The following DDX10 variants were observed in gnomAD, a reference collection of about 807,000 sequenced individuals.
DDX10 encodes the protein DEAD-box helicase 10.
In DDX10, 74 loss-of-function variants were observed where a neutral mutation model predicts 104.3. The ratio of observed to expected loss-of-function variants is 0.71; its 90% CI spans 0.59 to 0.86. The LOEUF (loss-of-function observed/expected upper bound fraction) is 0.86. DDX10 is among the 40% of genes least tolerant of loss of function. The probability of loss-of-function intolerance (pLI) is 0.00; values close to 1 mark genes in which losing one functional copy is unlikely to be tolerated. For synonymous variants in DDX10, 351 were observed against 353.4 expected, an observed-to-expected ratio of 0.99 and a Z score of 0.08; for missense variants, 952 against 1,040.0, an observed-to-expected ratio of 0.92 and a Z score of 1.16.
intron 16 of DDX10, among the ~76,000 whole-genome samples, chr11:108,891,652 G>C (rs543610811): frequency 6.6e-6 from 1 of 152,224 alleles, no homozygotes; most frequent in South Asian, 2.1e-4. Flanking sequence ...CGTTACTCTT[G>C]ACATTATATT....
intron 16 of DDX10, among the ~76,000 whole-genome samples, chr11:108,895,762 G>A (rs562984199): frequency 1.3e-5 from 2 of 152,112 alleles, no homozygotes; most frequent in Non-Finnish European, 1.5e-5. Context: ...TTTTAATAGC[G>A]TAGATGCCCA....
chr11:108,797,264 C>A (rs1861956078), intron 13 of DDX10, among the ~76,000 whole-genome samples: 1 of 152,200 alleles, frequency 6.6e-6, no homozygotes, highest in Non-Finnish European at 1.5e-5. Flanking sequence ...CATCTCTTGA[C>A]CTCATGATCC....
intron 16 of DDX10, among the ~76,000 whole-genome samples, chr11:108,890,738 G>A (rs1331668522): frequency 1.3e-5 from 2 of 152,104 alleles, no homozygotes; most frequent in South Asian, 2.1e-4. Flanking sequence ...AATTGGGGGA[G>A]CATGTGAGAA....
intron 17 of DDX10, 60 bp from the exon 18 acceptor site, chr11:108,940,186 A>T: frequency 1.9e-6 from 3 of 1,540,716 alleles, no homozygotes; most frequent in Non-Finnish European, 2.6e-6. Context: ...ATTTTGTCCT[A>T]TTTTAAATGT....
intron 16 of DDX10, among the ~76,000 whole-genome samples, chr11:108,916,899 A>G (rs1250930549): frequency 1.3e-5 from 2 of 152,120 alleles, no homozygotes; most frequent in East Asian, 1.9e-4. Context: ...ACCTGCTTGC[A>G]TGAAACTGAA....
At chr11:108,915,906 C>T (rs1306517847) in intron 16 of DDX10, among the ~76,000 whole-genome samples, 1 of 145,520 alleles carries the variant, frequency 6.9e-6, no homozygotes, top group Non-Finnish European at 1.5e-5. Context: ...GAGAATGCAG[C>T]TGTCTTCACT....
At chr11:108,743,519 A>G (rs1036714167) in intron 13 of DDX10, among the ~76,000 whole-genome samples, 1 of 152,098 alleles carries the variant, frequency 6.6e-6, no homozygotes, top group African/African-American at 2.4e-5. Context: ...TGGAAGTTCC[A>G]CCTTCTTTTA....
At chr11:108,807,191 C>T (rs1348496534) in intron 13 of DDX10, among the ~76,000 whole-genome samples, 1 of 151,706 alleles carries the variant, frequency 6.6e-6, no homozygotes, top group African/African-American at 2.4e-5. Context: ...CAGTATGCCT[C>T]CTAAGTTTTG....
intron 12 of DDX10, among the ~76,000 whole-genome samples, chr11:108,720,888 T>G (rs554020912): frequency 7.6e-6 from 1 of 131,624 alleles, no homozygotes; most frequent in East Asian, 2.1e-4. Flanking sequence ...CCACTGTGCC[T>G]GGCCGGGTTT....
chr11:108,903,364 C>G (rs983875884), intron 16 of DDX10, among the ~76,000 whole-genome samples: 7 of 152,074 alleles, frequency 4.6e-5, no homozygotes, highest in African/African-American at 1.7e-4. Context: ...TTTCAAGGCT[C>G]CTCCATGTTG....
At chr11:108,786,150 G>A (rs948081071) in intron 13 of DDX10, among the ~76,000 whole-genome samples, 1 of 151,916 alleles carries the variant, frequency 6.6e-6, no homozygotes, top group Non-Finnish European at 1.5e-5. Context: ...CTATGTTTTT[G>A]TGTTATTTTT....
At chr11:108,822,372 T>A (rs1862336909) in intron 13 of DDX10, 1 of 403,598 alleles carries the variant, frequency 2.5e-6, no homozygotes, top group African/African-American at 2.1e-5. Context: ...CTATCAAGTC[T>A]GCCCTTTCTG....
chr11:108,913,475 T>G (rs1005084803), intron 16 of DDX10, among the ~76,000 whole-genome samples: 2 of 152,142 alleles, frequency 1.3e-5, no homozygotes, highest in African/African-American at 4.8e-5. Flanking sequence ...TTGTCTCACA[T>G]GAGCAGAGGG....
intron 13 of DDX10, among the ~76,000 whole-genome samples, chr11:108,834,890 T>G (rs1862531164): frequency 8.2e-6 from 1 of 121,632 alleles, no homozygotes; most frequent in Admixed American, 1.2e-4. Flanking sequence ...ATCGCGCCAC[T>G]GCACTCCAGC....
At chr11:108,872,569 C>T (rs374582060) in intron 16 of DDX10, among the ~76,000 whole-genome samples, 104 of 152,240 alleles carry the variant, frequency 6.8e-4, no homozygotes, top group African/African-American at 2.4e-3. Flanking sequence ...GTTTGCAAAA[C>T]AAACTTGTTT....
chr11:108,802,928 A>G (rs1862043674), intron 13 of DDX10, among the ~76,000 whole-genome samples: 1 of 152,236 alleles, frequency 6.6e-6, no homozygotes, highest in East Asian at 1.9e-4. Context: ...TATCAGTCCA[A>G]GCAATCTATA....
intron 16 of DDX10, among the ~76,000 whole-genome samples, chr11:108,889,632 T>C (rs116594087): frequency 0.01 from 1,530 of 152,268 alleles, 19 homozygotes; most frequent in African/African-American, 0.034. Context: ...ACATTGTAAG[T>C]TGAATTACAG....
At chr11:108,910,550 A>C (rs1352943845) in intron 16 of DDX10, among the ~76,000 whole-genome samples, 1 of 152,228 alleles carries the variant, frequency 6.6e-6, no homozygotes, top group Non-Finnish European at 1.5e-5. Flanking sequence ...CTACTTGTAA[A>C]TGAGTTTTCC....
intron 13 of DDX10, among the ~76,000 whole-genome samples, chr11:108,796,238 T>A (rs755431923): frequency 6.6e-6 from 1 of 152,246 alleles, no homozygotes; most frequent in Non-Finnish European, 1.5e-5. Flanking sequence ...AGAAAAGACA[T>A]CAGTTTTACT....
Sources: gnomAD v4.1 joint callset for allele counts (sites outside exome capture counted in the v4.1 genomes callset) on GRCh38, gnomAD v4.1.1 for gene constraint, MANE v1.5 for transcripts, NCBI Gene and HGNC (gene_info 2026-07-23, HGNC 2026-07-21) for gene names.